Variants in HERC5 observed in about 807,000 individuals in gnomAD.
The protein encoded by HERC5 is HECT and RLD domain containing E3 ubiquitin protein ligase 5, also known as E3 ISG15--protein ligase HERC5.
HERC5 carries 99 observed loss-of-function variants against 119.6 expected under a neutral mutation model. That is an observed-to-expected ratio of 0.83 (90% CI 0.70 to 0.98). The LOEUF (loss-of-function observed/expected upper bound fraction) is 0.98, where lower values mean the gene tolerates loss of function less well. Ranked by LOEUF, HERC5 falls within the 50% of genes least tolerant of loss-of-function variation. The probability of loss-of-function intolerance (pLI) is 0.00; values close to 1 mark genes in which losing one functional copy is unlikely to be tolerated. For missense variants in HERC5, 1,267 were observed against 1,241.3 expected, an observed-to-expected ratio of 1.02 and a Z score of -0.31; for synonymous variants, 478 against 445.9, an observed-to-expected ratio of 1.07 and a Z score of -0.91.
chr4:88,484,851 TA>T (rs552982143), intron 13 of HERC5, among the ~76,000 whole-genome samples: 83 of 152,320 alleles, frequency 5.4e-4, no homozygotes, highest in African/African-American at 1.8e-3. Context: ...CACTTTCATT[TA>T]AGTTTTTGAC....
At position 88,462,319 on chromosome 4, in the gene HERC5, A is replaced by T. The variant is rs1277868665; in HGVS notation, c.651A>T (p.Lys217Asn). Reference protein sequence around the residue: ...SMSGNIYSWGKNECGQLGLGH... With the variant: ...SMSGNIYSWGNNECGQLGLGH... ...CTGGCAACATTTATTCATGGGGAAA[A>T]AATGAATGTGGACAACTAGGCCTGG... is the stretch of plus-strand genomic sequence containing the variant. The change falls in exon 4 of 23, where the codon AAA (lysine) becomes AAT (asparagine). Residue 217 changes from lysine to asparagine, a missense_variant. Lys to Asn is a moderately conservative substitution (Grantham distance 94). Transcript: ENST00000264350. The T allele has an allele frequency of 6.2e-7, 1 of 1,614,082 alleles. No homozygotes were observed. The highest frequency in any genetic ancestry group is 1.3e-5 in the African/African-American group (1 of 74,912).
Position 88,472,271 on chromosome 4 carries a change from C to T in HERC5, c.1299-138C>T, listed in dbSNP as rs1421669650. On this transcript the variant is annotated intron_variant, in intron 10 of 22. Transcript: ENST00000264350. The stretch of plus-strand genomic sequence containing the variant: ...AGAAAAAATCATGTTTACTACATTG[C>T]ATTTGGATTTAGACAATTTATTATA... The T allele has an allele frequency of 1.1e-5, 7 of 613,434 alleles. No individual in the cohort carries two copies. In the Middle Eastern group the frequency reaches 1.2e-3, roughly 109 times the overall value. The allele number at this position is 613,434 out of a possible 1,614,324, so 38.0% of individuals were successfully genotyped here.
Position 88,472,414 on chromosome 4 carries a change from C to G in HERC5, c.1304C>G (p.Thr435Ser). The change falls in exon 11 of 23, where the codon ACT becomes AGT. Residue 435 changes from threonine to serine, a missense_variant. This residue lies in a region of HERC5 where 777 missense variants were observed against 758.0 expected (regional missense o/e 1.03). Coordinates refer to ENST00000264350, the MANE Select transcript of HERC5 (RefSeq NM_016323.4). ...LTGSFLRKRR[T>S]TEMMPVYLDL... ...AATTTATCTTTCTTCTACAGAAGAA[C>G]TACAGAAATGATGCCTGTTTATTTG... 6.4e-7 allele frequency: 1 copy of G among 1,565,734 alleles called. No homozygotes were observed.
Position 88,505,999 on chromosome 4 carries a change from A to G in HERC5, c.*121A>G. On this transcript the variant is annotated 3_prime_UTR_variant, in exon 23 of 23. Transcript: ENST00000264350. ...TAGCAGCCTGAAGCCATGGTTTTTC[A>G]TTTCTGTCTCTAGTGATAAGCAGGA... The G allele has an allele frequency of 1.3e-6, 1 of 751,964 alleles. No homozygotes were observed. The highest frequency in any genetic ancestry group is 1.9e-5 in the South Asian group (1 of 52,388). The allele number at this position is 751,964 out of a possible 1,614,324, so 46.6% of individuals were successfully genotyped here. A position where few individuals can be genotyped will look rare whatever the true frequency, so the allele number is the denominator to read the frequency against.
At chr4:88,502,715 A>G (rs1243975769) in intron 20 of HERC5, among the ~76,000 whole-genome samples, 3 of 152,166 alleles carry the variant, frequency 2.0e-5, no homozygotes, top group Non-Finnish European at 2.9e-5. Flanking sequence ...TAAATTAGCC[A>G]TTCTGGTGGG....
Position 88,472,518 on chromosome 4 carries a change from T to TAACA in HERC5, c.1392+17_1392+18insACAA. ...TACTAACATGGTATCTTCAGATTGT[T>TAACA]ATGTGGAGAAAGAAAATACACCAGA... is the stretch of plus-strand genomic sequence containing the variant. On this transcript the variant is annotated intron_variant, in intron 11 of 22. Transcript: ENST00000264350. The TAACA allele has an allele frequency of 7.3e-7, 1 of 1,369,338 alleles. No homozygotes were observed. The highest frequency in any genetic ancestry group is 1.0e-6 in the Non-Finnish European group (1 of 972,520). 84.8% of individuals were successfully genotyped at this position (1,369,338 alleles called of 1,614,324 possible). A position where few individuals can be genotyped will look rare whatever the true frequency, so the allele number is the denominator to read the frequency against.
rs186131210 is a variant in HERC5 at position 88,486,296 on chromosome 4, T to C, written c.1851+68T>C. ...GTTAATACAGGCATTTCTTGTCCTC[T>C]GCAAAATTGCACAATAGAAATAGCA... is the stretch of plus-strand genomic sequence containing the variant. On this transcript the variant is annotated intron_variant, in intron 14 of 22. Coordinates refer to ENST00000264350, the MANE Select transcript of HERC5 (RefSeq NM_016323.4). 1.6e-5 allele frequency: 14 copies of C among 858,980 alleles called. No homozygotes were observed. In the East Asian group the frequency reaches 3.3e-4, roughly 20 times the overall value. The allele number at this position is 858,980 out of a possible 1,614,324, so 53.2% of individuals were successfully genotyped here. A position where few individuals can be genotyped will look rare whatever the true frequency, so the allele number is the denominator to read the frequency against.
intron 13 of HERC5, 140 bp from the exon 14 acceptor site, chr4:88,485,975 G>T (rs1741446973): frequency 2.2e-6 from 1 of 454,366 alleles, no homozygotes; most frequent in Non-Finnish European, 4.0e-6. Flanking sequence ...GGCTCTGGCA[G>T]TGGAGGAATT....
chr4:88,491,545 TTG>T (rs1294357760), intron 16 of HERC5, among the ~76,000 whole-genome samples: 2 of 152,014 alleles, frequency 1.3e-5, no homozygotes, highest in Non-Finnish European at 2.9e-5. Flanking sequence ...AGGGAGAAGA[TTG>T]TGTCAAGGAA....
At chr4:88,475,752 C>A in intron 11 of HERC5, 89 bp from the exon 12 acceptor site, 2 of 1,064,280 alleles carry the variant, frequency 1.9e-6, no homozygotes, top group Non-Finnish European at 1.4e-6. Context: ...AATGACATTC[C>A]AGCCTCTACA....
At chr4:88,467,400 C>T (rs1045034329) in intron 7 of HERC5, among the ~76,000 whole-genome samples, 196 bp downstream of exon 7, 1 of 152,192 alleles carries the variant, frequency 6.6e-6, no homozygotes, top group Non-Finnish European at 1.5e-5. Context: ...CTATATTACT[C>T]CTTCAGATTA....
chr4:88,493,234 G>C (rs1741701618), intron 17 of HERC5, 79 bp downstream of exon 17: 1 of 1,275,620 alleles, frequency 7.8e-7, no homozygotes, highest in Non-Finnish European at 1.1e-6. Flanking sequence ...AGTTTGTCTA[G>C]ACTATTTCAT....
chr4:88,501,122 T>C, intron 20 of HERC5, 137 bp downstream of exon 20: 1 of 605,220 alleles, frequency 1.7e-6, no homozygotes, highest in Non-Finnish European at 2.9e-6. Context: ...TGGTGTGTGT[T>C]GTATGTGTTT....
chr4:88,504,352 C>G lies in HERC5; in HGVS notation c.2703C>G (p.His901Gln), dbSNP rs1205609970. The G allele has an allele frequency of 6.2e-7, 1 of 1,612,124 alleles. No homozygotes were observed. The highest frequency in any genetic ancestry group is 2.2e-5 in the East Asian group (1 of 44,832). Residue 901 changes from histidine to glutamine, a missense_variant, in exon 21 of 23, where the codon CAC becomes CAG. His to Gln is a conservative substitution (Grantham distance 24). This residue lies in a region of HERC5 where 473 missense variants were observed against 445.7 expected (regional missense o/e 1.06). Coordinates refer to ENST00000264350, the MANE Select transcript of HERC5 (RefSeq NM_016323.4). ...ACGAAGACATTATCAAATTATTCCA[C>G]CCCGAAGAACTGAAGGATGTGATTG... is the stretch of plus-strand genomic sequence containing the variant. ...MCDEDIIKLF[H>Q]PEELKDVIVG...
intron 1 of HERC5, chr4:88,458,052 C>T (rs1740246464): frequency 1.0e-6 from 1 of 985,938 alleles, no homozygotes; most frequent in Non-Finnish European, 1.2e-6. Context: ...AAATTGGTAT[C>T]TTGCTGCGAG....
chr4:88,505,087 T>G (rs1437667309), intron 22 of HERC5, among the ~76,000 whole-genome samples: 1 of 152,180 alleles, frequency 6.6e-6, no homozygotes, highest in Non-Finnish European at 1.5e-5. Flanking sequence ...TAGAAGATAT[T>G]CAGACTTAAT....
At chr4:88,493,357 G>A (rs1471026852) in intron 17 of HERC5, among the ~76,000 whole-genome samples, 3 of 151,946 alleles carry the variant, frequency 2.0e-5, no homozygotes, top group Admixed American at 1.3e-4. Flanking sequence ...TGTTCACATC[G>A]AACTCAAGCA....
chr4:88,468,224 G>A, intron 7 of HERC5, 122 bp from the exon 8 acceptor site: 7 of 693,180 alleles, frequency 1.0e-5, no homozygotes, highest in East Asian at 2.7e-5. Flanking sequence ...AATGTACTAA[G>A]TTTTGTCTAT....
intron 21 of HERC5, 37 bp from the exon 22 acceptor site, chr4:88,504,458 C>T (rs1255061529): frequency 3.8e-6 from 6 of 1,565,794 alleles, no homozygotes; most frequent in East Asian, 4.5e-5. Flanking sequence ...GTTTTCCTTC[C>T]TATTTCCTCA....
Sources: allele counts gnomAD v4.1 joint callset (sites outside exome capture counted in the v4.1 genomes callset), GRCh38; gene constraint gnomAD v4.1.1; regional missense constraint gnomAD v4.1.1; transcripts MANE v1.5; gene names NCBI Gene and HGNC (gene_info 2026-07-23, HGNC 2026-07-21).